The following NAALAD2 variants were observed in gnomAD, a reference collection of about 807,000 sequenced individuals.
NAALAD2 encodes N-acetylated alpha-linked acidic dipeptidase 2.
NAALAD2 carries 89 observed loss-of-function variants against 95.6 expected under a neutral mutation model. That is an observed-to-expected ratio of 0.93 (90% CI 0.78 to 1.11). The LOEUF is 1.11. Among genes scored for constraint, NAALAD2 ranks in the 50% least tolerant of loss-of-function variants. The pLI, the probability that NAALAD2 is intolerant of heterozygous loss-of-function variation, is 0.00. For missense variants in NAALAD2, 894 were observed against 872.4 expected (o/e 1.02, Z -0.31); for synonymous variants, 264 against 294.4 (o/e 0.90, Z 1.06).
At chr11:90,184,787 T>A (rs991756260) in intron 18 of NAALAD2, among the ~76,000 whole-genome samples, 2 of 152,122 alleles carry the variant, frequency 1.3e-5, no homozygotes, top group Non-Finnish European at 2.9e-5. Flanking sequence ...TACATGTTTA[T>A]ATATGTATAT....
intron 7 of NAALAD2, chr11:90,158,798 T>C (rs1952200863): frequency 5.5e-6 from 1 of 181,462 alleles, no homozygotes; most frequent in Admixed American, 6.0e-5. Flanking sequence ...CCAACTCCCA[T>C]TTTTAAATGC....
At position 90,152,511 on chromosome 11, in the gene NAALAD2, A is replaced by G. The variant is rs1312068141; in HGVS notation, c.796+27A>G. On this transcript the variant is annotated intron_variant, in intron 6 of 18. Transcript: ENST00000534061. The stretch of plus-strand genomic sequence containing the variant: ...TAAGGGATGAGCCTATCAGTCCACC[A>G]ATTTTGCAAAAATACTCCTTGCCCT... The G allele has an allele frequency of 1.9e-6, 3 of 1,556,972 alleles. No homozygotes were observed. The African/African-American group carries it at 4.1e-5, about 21-fold the overall frequency.
chr11:90,133,231 T>C (rs1418368525), upstream of NAALAD2, among the ~76,000 whole-genome samples: 3 of 152,188 alleles, frequency 2.0e-5, no homozygotes, highest in African/African-American at 7.2e-5. Context: ...CAGTTTTGCT[T>C]TGGCTGAAAA....
chr11:90,135,744 T>C, intron 2 of NAALAD2, 74 bp downstream of exon 2: 1 of 1,221,048 alleles, frequency 8.2e-7, no homozygotes. Context: ...TTATACCTGG[T>C]TATATGCATG....
At chr11:90,173,423 G>A (rs889409418) in intron 13 of NAALAD2, among the ~76,000 whole-genome samples, 3 of 152,064 alleles carry the variant, frequency 2.0e-5, no homozygotes, top group African/African-American at 7.2e-5. Context: ...GTCTTATTAG[G>A]CAAAAATAAT....
At chr11:90,175,538 C>G (rs1952764625) in intron 14 of NAALAD2, among the ~76,000 whole-genome samples, 1 of 152,044 alleles carries the variant, frequency 6.6e-6, no homozygotes. Context: ...TTATATTCTT[C>G]ATGATTTTAA....
chr11:90,189,431 G>A (rs921202411), intron 18 of NAALAD2, among the ~76,000 whole-genome samples: 51 of 152,186 alleles, frequency 3.4e-4, no homozygotes, highest in African/African-American at 1.1e-3. Context: ...GTGAAATACT[G>A]TAAAAGTCTT....
upstream of NAALAD2, among the ~76,000 whole-genome samples, chr11:90,132,904 C>T (rs1951374354): frequency 6.6e-6 from 1 of 152,146 alleles, no homozygotes; most frequent in African/African-American, 2.4e-5. Context: ...GCTGAAAAAG[C>T]TGAAGTTAGT....
chr11:90,140,863 A>G (rs1284350225), intron 2 of NAALAD2, among the ~76,000 whole-genome samples: 2 of 152,002 alleles, frequency 1.3e-5, no homozygotes, highest in Non-Finnish European at 2.9e-5. Flanking sequence ...AAAGTTTCTG[A>G]CCTATTTTGA....
intron 6 of NAALAD2, among the ~76,000 whole-genome samples, chr11:90,155,500 T>C (rs1400904164): frequency 8.7e-6 from 1 of 114,828 alleles, no homozygotes; most frequent in African/African-American, 3.5e-5. Flanking sequence ...TAATATATTA[T>C]ATATAATTAT....
intron 18 of NAALAD2, among the ~76,000 whole-genome samples, chr11:90,184,545 TGTTA>T (rs758869124): frequency 2.4e-4 from 36 of 152,268 alleles, no homozygotes; most frequent in Non-Finnish European, 4.4e-4. Flanking sequence ...CTACAGTGTT[TGTTA>T]GTCCTCTCAG....
At chr11:90,153,219 G>A (rs916895959) in intron 6 of NAALAD2, among the ~76,000 whole-genome samples, 1 of 152,104 alleles carries the variant, frequency 6.6e-6, no homozygotes, top group Non-Finnish European at 1.5e-5. Flanking sequence ...TTTCAGTGTG[G>A]GGGCTATTAC....
chr11:90,142,856 G>A (rs1387420745), intron 2 of NAALAD2, among the ~76,000 whole-genome samples: 1 of 151,550 alleles, frequency 6.6e-6, no homozygotes, highest in Non-Finnish European at 1.5e-5. Flanking sequence ...TTATCTTTTG[G>A]CTATACCTCT....
intron 14 of NAALAD2, among the ~76,000 whole-genome samples, chr11:90,174,761 T>C (rs1205468868): frequency 2.6e-5 from 4 of 152,024 alleles, no homozygotes; most frequent in African/African-American, 9.7e-5. Flanking sequence ...CATTATGTAA[T>C]AAAAAGTATA....
At chr11:90,154,100 T>C (rs1951963352) in intron 6 of NAALAD2, among the ~76,000 whole-genome samples, 1 of 151,914 alleles carries the variant, frequency 6.6e-6, no homozygotes, top group Admixed American at 6.6e-5. Flanking sequence ...CTTTTTGCTT[T>C]ATTGTACTGG....
intron 2 of NAALAD2, among the ~76,000 whole-genome samples, chr11:90,138,824 G>A (rs891438256): frequency 2.2e-5 from 3 of 133,782 alleles, no homozygotes; most frequent in African/African-American, 8.5e-5. Flanking sequence ...GTGAAGTCAT[G>A]TCAACATCTG....
In NAALAD2 at chr11:90,152,307, G is replaced by T; in HGVS notation, c.619G>T (p.Ala207Ser). 1 of 1,593,922 alleles carries T rather than the reference G, an allele frequency of 6.3e-7. No individual in the cohort carries two copies. Among genetic ancestry groups the T allele is most frequent in the Non-Finnish European group, 8.6e-7 (1 of 1,164,376 alleles). ...CACATTGCCCCTGCAGGTTAAAAAT[G>T]CCATGTTAGCAGGAGCCATAGGAAT... ...KIFRGNKVKN[A>S]MLAGAIGIIL... The change falls in exon 6 of 19, where the codon GCC (alanine) becomes TCC (serine). Residue 207 changes from alanine to serine, a missense_variant. Coordinates refer to ENST00000534061, the MANE Select transcript of NAALAD2 (RefSeq NM_005467.4).
At chr11:90,176,253 T>C (rs776673611) in intron 15 of NAALAD2, among the ~76,000 whole-genome samples, 191 bp downstream of exon 15, 58 of 152,200 alleles carry the variant, frequency 3.8e-4, no homozygotes, top group Non-Finnish European at 7.5e-4. Flanking sequence ...GAAAATTTCA[T>C]TGTTAGGGTT....
At chr11:90,181,020 T>C (rs919251587) in intron 16 of NAALAD2, among the ~76,000 whole-genome samples, 1 of 152,064 alleles carries the variant, frequency 6.6e-6, no homozygotes, top group South Asian at 2.1e-4. Context: ...CCATGGAATA[T>C]GGTTATCTGC....
Sources: allele counts gnomAD v4.1 joint callset (sites outside exome capture counted in the v4.1 genomes callset), GRCh38; gene constraint gnomAD v4.1.1; transcripts MANE v1.5; gene names NCBI Gene and HGNC (gene_info 2026-07-23, HGNC 2026-07-21).